Variants in ANKS1B observed in about 807,000 individuals in gnomAD.
ANKS1B encodes ankyrin repeat and sterile alpha motif domain-containing protein 1B.
ANKS1B carries 36 observed loss-of-function variants against 148.3 expected under a neutral mutation model. That is an observed-to-expected ratio of 0.24 (90% CI 0.19 to 0.32). The LOEUF (loss-of-function observed/expected upper bound fraction) is 0.32. Ranked by LOEUF, ANKS1B falls within the 10% of genes least tolerant of loss-of-function variation. The pLI, the probability that ANKS1B is intolerant of heterozygous loss-of-function variation, is 1.00. For synonymous variants in ANKS1B, 542 were observed against 560.8 expected (o/e 0.97, Z 0.47); for missense variants, 1,157 against 1,542.6 (o/e 0.75, Z 4.19).
chr12:99,832,148 A>C (rs2084104169), intron 1 of ANKS1B, among the ~76,000 whole-genome samples: 1 of 152,270 alleles, frequency 6.6e-6, no homozygotes, highest in South Asian at 2.1e-4. Flanking sequence ...ATTCTTGGAA[A>C]GTAACATGGC....
At chr12:99,496,431 G>C (rs1197279194) in intron 10 of ANKS1B, among the ~76,000 whole-genome samples, 1 of 152,086 alleles carries the variant, frequency 6.6e-6, no homozygotes, top group African/African-American at 2.4e-5. Flanking sequence ...ATTAAACAAG[G>C]TCTTTAGCTT....
At position 99,107,223 on chromosome 12, in the gene ANKS1B, C is replaced by T. The variant is rs569962116; in HGVS notation, c.2527-22200G>A. ...TATCTAATGGACAGTGACCCCATCA[C>T]CCCACTTTTACACGTGCCTCTAAGA... On this transcript the variant is annotated intron_variant, in intron 15 of 26. Coordinates refer to ENST00000683438, the MANE Select transcript of ANKS1B (RefSeq NM_001352186.2). 9.2e-5 allele frequency among the ~76,000 whole-genome samples: 14 copies of T among 152,118 alleles called. No individual in the cohort carries two copies. The South Asian group carries it at 2.7e-3, about 29-fold the overall frequency.
chr12:99,476,130 C>T (rs1338743382), intron 10 of ANKS1B, among the ~76,000 whole-genome samples: 2 of 152,146 alleles, frequency 1.3e-5, no homozygotes, highest in African/African-American at 4.8e-5. Context: ...CGGCAGTTCA[C>T]GCCTGTAATC....
intron 9 of ANKS1B, among the ~76,000 whole-genome samples, chr12:99,525,056 CT>C (rs979097648): frequency 1.3e-5 from 2 of 152,192 alleles, no homozygotes; most frequent in Admixed American, 6.5e-5. Context: ...ATATTTTCGA[CT>C]GGTAGGGCCC....
intron 12 of ANKS1B, among the ~76,000 whole-genome samples, chr12:99,362,398 C>A (rs2092534772): frequency 6.6e-6 from 1 of 151,912 alleles, no homozygotes; most frequent in South Asian, 2.1e-4. Context: ...ATAGATAAGG[C>A]AACTGAGGTT....
intron 17 of ANKS1B, among the ~76,000 whole-genome samples, chr12:98,847,483 A>T (rs1358885141): frequency 6.6e-6 from 1 of 152,182 alleles, no homozygotes; most frequent in Non-Finnish European, 1.5e-5. Flanking sequence ...GTATGTATAC[A>T]CTACATTTTC....
chr12:99,318,509 G>T lies in ANKS1B; in HGVS notation c.1757-71645C>A, dbSNP rs1211644823. ...TTGTATGTATTTCTGTGGGACCAGTGGTGATATCCCCTTTATCATTTTTTT... is the reference window on the plus strand; with the variant it reads ...TTGTATGTATTTCTGTGGGACCAGTTGTGATATCCCCTTTATCATTTTTTT... On this transcript the variant is annotated intron_variant, in intron 12 of 26. Coordinates refer to ENST00000683438, the MANE Select transcript of ANKS1B (RefSeq NM_001352186.2). 2.6e-5 allele frequency among the ~76,000 whole-genome samples: 4 copies of T among 152,038 alleles called. No homozygotes were observed. The South Asian group carries it at 6.2e-4, about 24-fold the overall frequency.
At chr12:99,911,477 C>A (rs2094003534) in intron 1 of ANKS1B, among the ~76,000 whole-genome samples, 1 of 152,144 alleles carries the variant, frequency 6.6e-6, no homozygotes, top group Non-Finnish European at 1.5e-5. Context: ...CCAAAATAAA[C>A]TTGCCAGAAG....
intron 2 of ANKS1B, among the ~76,000 whole-genome samples, chr12:99,824,020 A>T (rs1423804386): frequency 2.6e-5 from 4 of 152,212 alleles, no homozygotes; most frequent in Non-Finnish European, 5.9e-5. Flanking sequence ...GAAATCTGCT[A>T]TCATGATGCC....
At chr12:98,763,858 A>G (rs556988308) in intron 25 of ANKS1B, among the ~76,000 whole-genome samples, 145 of 152,304 alleles carry the variant, frequency 9.5e-4, no homozygotes, top group African/African-American at 3.2e-3. Flanking sequence ...TGAGCGTTCC[A>G]CTGTATCTGC....
At chr12:98,813,470 G>A (rs2099114404) in intron 19 of ANKS1B, among the ~76,000 whole-genome samples, 1 of 151,626 alleles carries the variant, frequency 6.6e-6, no homozygotes, top group Admixed American at 6.6e-5. Context: ...GCCTTCTTCG[G>A]CCTCCGGAAG....
intron 8 of ANKS1B, among the ~76,000 whole-genome samples, chr12:99,670,647 A>G (rs1359679723): frequency 2.0e-5 from 3 of 152,164 alleles, no homozygotes; most frequent in African/African-American, 7.2e-5. Flanking sequence ...GTAAAACTAG[A>G]CCAAAATTAT....
chr12:99,259,123 T>C (rs2075642190), intron 12 of ANKS1B, among the ~76,000 whole-genome samples: 1 of 152,200 alleles, frequency 6.6e-6, no homozygotes, highest in African/African-American at 2.4e-5. Context: ...CACGACGCTT[T>C]GTGTCGGATT....
In ANKS1B at chr12:99,617,808, A is replaced by T. The variant is rs113843370; in HGVS notation, c.1272+37259T>A. Among the ~76,000 whole-genome samples, 17 of 55,764 alleles carry T rather than the reference A, an allele frequency of 3.0e-4. No homozygotes were observed. In the South Asian group the frequency reaches 8.6e-3, roughly 28 times the overall value. 36.6% of individuals were successfully genotyped at this position (55,764 alleles called of 152,430 possible). On this transcript the variant is annotated intron_variant, in intron 9 of 26. Transcript: ENST00000683438. ...TATCCCAGAACTTAAAGTAAGATTT[A>T]AAAAAAAAAACAAAACAAAGCAAAA...
chr12:99,398,248 T>C (rs1249061103), intron 12 of ANKS1B, among the ~76,000 whole-genome samples: 2 of 152,168 alleles, frequency 1.3e-5, no homozygotes, highest in Non-Finnish European at 2.9e-5. Flanking sequence ...GTTTTTAAAA[T>C]CTTAGCTTTA....
intron 9 of ANKS1B, among the ~76,000 whole-genome samples, chr12:99,599,418 G>A (rs1055120764): frequency 5.9e-5 from 9 of 152,142 alleles, no homozygotes; most frequent in African/African-American, 2.2e-4. Flanking sequence ...ATTGGCTACA[G>A]ACATGTTTAA....
At chr12:99,112,448 ATC>A (rs1414209337) in intron 15 of ANKS1B, among the ~76,000 whole-genome samples, 2 of 151,590 alleles carry the variant, frequency 1.3e-5, no homozygotes, top group African/African-American at 2.4e-5. Context: ...ATAGATGCTT[ATC>A]TCTTTCTCCC....
At chr12:99,913,808 G>A (rs2094085175) in intron 1 of ANKS1B, among the ~76,000 whole-genome samples, 1 of 151,456 alleles carries the variant, frequency 6.6e-6, no homozygotes, top group South Asian at 2.1e-4. Context: ...AATTAAAGGT[G>A]GATAGATTTC....
intron 1 of ANKS1B, among the ~76,000 whole-genome samples, chr12:99,931,239 C>T (rs2094606703): frequency 6.6e-6 from 1 of 151,842 alleles, no homozygotes; most frequent in Non-Finnish European, 1.5e-5. Context: ...ATACCTAATG[C>T]TAAATGATGA....
Sources: allele counts gnomAD v4.1 joint callset (sites outside exome capture counted in the v4.1 genomes callset), GRCh38; gene constraint gnomAD v4.1.1; transcripts MANE v1.5; gene names NCBI Gene and HGNC (gene_info 2026-07-23, HGNC 2026-07-21).